OVCH1: variants seen among roughly 807,000 people sequenced by gnomAD.
The protein encoded by OVCH1 is ovochymase 1.
Under a neutral mutation model 138.4 loss-of-function variants are expected in OVCH1, and 139 were observed. That is an observed-to-expected ratio of 1.00 (90% CI 0.87 to 1.16). The LOEUF (loss-of-function observed/expected upper bound fraction) is 1.16. Among genes scored for constraint, OVCH1 ranks in the 50% most tolerant of loss-of-function variants. The pLI, the probability that OVCH1 is intolerant of heterozygous loss-of-function variation, is 0.00. For missense variants in OVCH1, 1,367 were observed against 1,357.9 expected (o/e 1.01, Z -0.11); for synonymous variants, 453 against 467.8 (o/e 0.97, Z 0.41).
intron 12 of OVCH1, 124 bp downstream of exon 12, chr12:29,476,978 A>AC (rs1942757769): frequency 1.7e-6 from 2 of 1,190,132 alleles, no homozygotes; most frequent in East Asian, 5.4e-5. Flanking sequence ...AGTAAAAAAA[A>AC]ATGGCAAATG....
chr12:29,455,660 A>G (rs1448362340), intron 19 of OVCH1, among the ~76,000 whole-genome samples: 3 of 152,204 alleles, frequency 2.0e-5, no homozygotes, highest in African/African-American at 7.2e-5. Flanking sequence ...AAACAATTAC[A>G]TTACTAAATC....
exon 25 of OVCH1, chr12:29,443,451 T>C: frequency 1.2e-6 from 2 of 1,610,362 alleles, no homozygotes; most frequent in Non-Finnish European, 1.7e-6. Context: ...AAGTTAATAA[T>C]ATTAAGCTGA....
intron 8 of OVCH1, among the ~76,000 whole-genome samples, 187 bp downstream of exon 9, chr12:29,484,526 G>A (rs1943031896): frequency 6.6e-6 from 1 of 152,150 alleles, no homozygotes; most frequent in African/African-American, 2.4e-5. Context: ...GTGGTGGCAT[G>A]CCCGTGTAAT....
exon 23 of OVCH1, chr12:29,445,316 C>T: frequency 6.2e-7 from 1 of 1,612,062 alleles, no homozygotes; most frequent in Non-Finnish European, 8.5e-7. Context: ...ACCAAATGCA[C>T]CTCGTACAAG....
chr12:29,421,640 C>T (rs544109197), intron 3 of OVCH1, among the ~76,000 whole-genome samples: 8 of 152,036 alleles, frequency 5.3e-5, no homozygotes, highest in Admixed American at 1.3e-4. Context: ...TTACACTACA[C>T]GTATTCAAAA....
chr12:29,475,016 A>T, intron 14 of OVCH1, 45 bp downstream of exon 14: 1 of 1,546,428 alleles, frequency 6.5e-7, no homozygotes, highest in Non-Finnish European at 8.8e-7. Context: ...CCCTGTAACC[A>T]TTTGCATAAA....
In OVCH1 at chr12:29,476,316, A is replaced by T. The variant is rs1942712756; in HGVS notation, c.1378-17T>A. 6.3e-7 allele frequency: 1 copy of T among 1,579,698 alleles called. No homozygotes were observed. The highest frequency in any genetic ancestry group is 1.7e-5 in the Admixed American group (1 of 59,922). ...AAATGTCAACTGTGCAAATGGAAAC[A>T]TAACCAGGGAAATGGTCAAAGAAGA... On this transcript the variant is annotated splice_polypyrimidine_tract_variant and intron_variant, in intron 12 of 27. Coordinates refer to ENST00000318184, the Ensembl canonical transcript of OVCH1.
intron 23 of OVCH1, among the ~76,000 whole-genome samples, chr12:29,444,913 T>G (rs11050234): frequency 0.041 from 6,194 of 152,140 alleles, 163 homozygotes; most frequent in East Asian, 0.07. Context: ...TAATAAATTG[T>G]CCAGAGCTAA....
chr12:29,439,240 C>T (rs1565571170), intron 26 of OVCH1: 2 of 1,238,718 alleles, frequency 1.6e-6, no homozygotes, highest in Admixed American at 3.8e-5. Context: ...AGTCCTTTTC[C>T]TTTATTTTGT....
the OVCH1 span, among the ~76,000 whole-genome samples, chr12:29,405,214 G>C: frequency 1.3e-4 from 20 of 152,092 alleles, no homozygotes; most frequent in South Asian, 6.2e-4. Flanking sequence ...ACTTAACAAT[G>C]TATTTATTCT....
intron 19 of OVCH1, among the ~76,000 whole-genome samples, chr12:29,459,548 G>T (rs1942061347): frequency 1.3e-5 from 2 of 151,906 alleles, no homozygotes; most frequent in African/African-American, 4.8e-5. Flanking sequence ...AAAATAGAAT[G>T]AAAAAAATAG....
At chr12:29,493,205 T>C (rs1162683561) in intron 4 of OVCH1, among the ~76,000 whole-genome samples, 4 of 152,122 alleles carry the variant, frequency 2.6e-5, no homozygotes, top group Non-Finnish European at 5.9e-5. Context: ...TCCTCTTATA[T>C]ACACTTCGAG....
At chr12:29,420,360 G>A (rs1032676713) in intron 3 of OVCH1, among the ~76,000 whole-genome samples, 2 of 152,134 alleles carry the variant, frequency 1.3e-5, no homozygotes, top group Non-Finnish European at 2.9e-5. Context: ...CAGTGCTCTA[G>A]GTGATATGTT....
intron 16 of OVCH1, 76 bp downstream of exon 16, chr12:29,471,726 T>C: frequency 1.4e-6 from 2 of 1,406,158 alleles, no homozygotes; most frequent in Non-Finnish European, 1.9e-6. Context: ...ATGATCTTAG[T>C]AGTCAGCCTT....
Position 29,489,768 on chromosome 12 carries a change from GA to G in OVCH1, c.553del (p.Ser185GlnfsTer27), listed in dbSNP as rs2033323765. 1 of 1,608,928 alleles carries G rather than the reference GA, an allele frequency of 6.2e-7. No individual in the cohort carries two copies. Among genetic ancestry groups the G allele is most frequent in the Non-Finnish European group, 8.5e-7 (1 of 1,177,624 alleles). ...TTCTTGTAGGACATTTGAATATTCTGATGCTGTAGAGAGAGGACAGATAAGT... is the reference window on the plus strand; with the variant it reads ...TTCTTGTAGGACATTTGAATATTCTGTGCTGTAGAGAGAGGACAGATAAGT... On this transcript the variant is annotated frameshift_variant and splice_region_variant, in exon 6 of 28. Coordinates refer to ENST00000318184, the Ensembl canonical transcript of OVCH1. LOFTEE classifies it high-confidence loss of function.
At position 29,430,857 on chromosome 12, in the gene OVCH1, A is replaced by G. The variant is rs765213486; in HGVS notation, c.3327+2894T>C. The G allele has an allele frequency of 5.8e-6, 3 of 516,218 alleles. No homozygotes were observed. In the Admixed American group the frequency reaches 5.9e-5, roughly 10 times the overall value. 32.0% of individuals were successfully genotyped at this position (516,218 alleles called of 1,614,324 possible). ...CTTCTTGATCAGTTCAAATTGTTAC[A>G]AAGTTCAGTTGGAGAGTTCCTTCTC... On this transcript the variant is annotated intron_variant, in intron 27 of 27. Transcript: ENST00000318184.
In OVCH1 at chr12:29,489,610, A is replaced by G. The variant is rs1195335570; in HGVS notation, c.702+10T>C. The G allele has an allele frequency of 6.3e-7, 1 of 1,598,584 alleles. No homozygotes were observed. The highest frequency in any genetic ancestry group is 1.1e-5 in the South Asian group (1 of 88,254). On this transcript the variant is annotated intron_variant, in intron 6 of 27. Transcript: ENST00000318184. ...TTACTGAACAGCTAGGCTGGTTTAC[A>G]CTTTTGTACCTGGCAGGCGTCCATT...
intron 22 of OVCH1, among the ~76,000 whole-genome samples, chr12:29,446,262 T>A (rs1216864372): frequency 6.6e-6 from 1 of 151,882 alleles, no homozygotes; most frequent in Non-Finnish European, 1.5e-5. Context: ...CTTGTAGGGA[T>A]GAAAGGAAGG....
intron 17 of OVCH1, 25 bp downstream of exon 17, chr12:29,465,122 A>G (rs748338754): frequency 6.4e-7 from 1 of 1,562,070 alleles, no homozygotes; most frequent in Non-Finnish European, 8.7e-7. Flanking sequence ...TACAGGCAGA[A>G]TGACCTGTAA....
Sources: allele counts gnomAD v4.1 joint callset (sites outside exome capture counted in the v4.1 genomes callset), GRCh38; gene constraint gnomAD v4.1.1; transcripts MANE v1.5; gene names NCBI Gene and HGNC (gene_info 2026-07-23, HGNC 2026-07-21).